TMEM108: variants seen among roughly 807,000 people sequenced by gnomAD.
TMEM108 encodes the protein cancer/testis antigen 124.
A neutral mutation model predicts 35.1 loss-of-function variants in TMEM108; 12 were observed. That is an observed-to-expected ratio of 0.34 (90% CI 0.22 to 0.55). The LOEUF (loss-of-function observed/expected upper bound fraction) is 0.55. Ranked by LOEUF, TMEM108 falls within the 20% of genes least tolerant of loss-of-function variation. TMEM108 has a pLI of 0.89. For synonymous variants in TMEM108, 287 were observed against 308.6 expected, an observed-to-expected ratio of 0.93 and a Z score of 0.73; for missense variants, 680 against 753.3, an observed-to-expected ratio of 0.90 and a Z score of 1.14.
At chr3:133,374,399 A>T (rs73209840) in intron 3 of TMEM108, among the ~76,000 whole-genome samples, 22,450 of 152,092 alleles carry the variant, frequency 0.15, 2,589 homozygotes, top group African/African-American at 0.32. Flanking sequence ...GGGAAGGAAG[A>T]TCTACTTAGA....
At chr3:133,155,113 G>A (rs1314450492) in intron 2 of TMEM108, among the ~76,000 whole-genome samples, 2 of 151,976 alleles carry the variant, frequency 1.3e-5, no homozygotes, top group Non-Finnish European at 2.9e-5. Context: ...GTGGTATTTG[G>A]TTTTCTGATC....
intron 2 of TMEM108, among the ~76,000 whole-genome samples, chr3:133,073,110 TCA>T (rs558976419): frequency 9.9e-5 from 15 of 152,168 alleles, no homozygotes; most frequent in Non-Finnish European, 1.6e-4. Context: ...ATGAATTATC[TCA>T]CATATTTATT....
At chr3:133,073,391 G>A (rs914204757) in intron 2 of TMEM108, among the ~76,000 whole-genome samples, 3 of 148,830 alleles carry the variant, frequency 2.0e-5, no homozygotes, top group Admixed American at 6.7e-5. Context: ...GTCTTTCCGT[G>A]CCTGGCTTAT....
chr3:133,169,120 C>T (rs1945090074), intron 2 of TMEM108, among the ~76,000 whole-genome samples: 2 of 152,220 alleles, frequency 1.3e-5, no homozygotes, highest in Non-Finnish European at 2.9e-5. Context: ...CAATTCCAGA[C>T]ACACTACTCC....
chr3:133,397,050 C>T lies in TMEM108; in HGVS notation c.*1064C>T, dbSNP rs1053558698. 7.2e-5 allele frequency: 11 copies of T among 152,186 alleles called. No individual in the cohort carries two copies. Among genetic ancestry groups the T allele is most frequent in the South Asian group, 2.1e-4 (1 of 4,822 alleles). The allele number at this position is 152,186 out of a possible 1,614,324, so 9.4% of individuals were successfully genotyped here. A position where few individuals can be genotyped will look rare whatever the true frequency, so the allele number is the denominator to read the frequency against. On this transcript the variant is annotated 3_prime_UTR_variant, in exon 6 of 6. Coordinates refer to ENST00000321871, the MANE Select transcript of TMEM108 (RefSeq NM_023943.4). ...CTGCAAACCTGCTCGCAGCACCAGC[C>T]GGTGGACTTGCCATCCAGCTCTCAG...
At chr3:133,293,912 G>C (rs1200403953) in intron 3 of TMEM108, among the ~76,000 whole-genome samples, 4 of 152,162 alleles carry the variant, frequency 2.6e-5, no homozygotes, top group Non-Finnish European at 4.4e-5. Context: ...TCCAGTGGCA[G>C]CTGGCAACAT....
chr3:133,273,798 G>A (rs984146537), intron 3 of TMEM108, among the ~76,000 whole-genome samples: 1 of 152,148 alleles, frequency 6.6e-6, no homozygotes, highest in East Asian at 1.9e-4. Context: ...TGCCTCCATG[G>A]TGTTGTTGAA....
At chr3:133,340,215 A>G (rs2071619375) in intron 3 of TMEM108, among the ~76,000 whole-genome samples, 2 of 151,668 alleles carry the variant, frequency 1.3e-5, no homozygotes, top group African/African-American at 4.8e-5. Flanking sequence ...AGCTAAGAAA[A>G]AAAGAAGACC....
At chr3:133,251,532 T>C (rs1440584414) in intron 3 of TMEM108, among the ~76,000 whole-genome samples, 1 of 152,184 alleles carries the variant, frequency 6.6e-6, no homozygotes, top group Non-Finnish European at 1.5e-5. Context: ...AACAAACATT[T>C]CTGGTTGTCT....
intron 2 of TMEM108, among the ~76,000 whole-genome samples, chr3:133,113,389 T>C (rs1944249426): frequency 6.6e-6 from 1 of 152,180 alleles, no homozygotes; most frequent in South Asian, 2.1e-4. Context: ...ATAAGCATTA[T>C]AGAAGAATTG....
At chr3:133,289,246 A>T (rs1342557200) in intron 3 of TMEM108, among the ~76,000 whole-genome samples, 1 of 152,142 alleles carries the variant, frequency 6.6e-6, no homozygotes, top group Non-Finnish European at 1.5e-5. Context: ...AAATTTCTCC[A>T]TAATAAAAAG....
chr3:133,201,361 A>G (rs1945663023), intron 2 of TMEM108, among the ~76,000 whole-genome samples: 1 of 152,122 alleles, frequency 6.6e-6, no homozygotes, highest in Non-Finnish European at 1.5e-5. Context: ...GGTTTGTTAC[A>G]TAGGTATACA....
intron 2 of TMEM108, among the ~76,000 whole-genome samples, chr3:133,198,936 C>T (rs1172823064): frequency 4.6e-5 from 7 of 152,148 alleles, no homozygotes; most frequent in South Asian, 2.1e-4. Context: ...ACCAATCAGA[C>T]GTAGATTTGG....
intron 2 of TMEM108, among the ~76,000 whole-genome samples, chr3:133,211,962 G>A (rs1443267159): frequency 6.6e-6 from 1 of 152,154 alleles, no homozygotes; most frequent in African/African-American, 2.4e-5. Flanking sequence ...ATATGAAAGA[G>A]AAGAGCAGAA....
chr3:133,049,555 G>T (rs983500998), intron 2 of TMEM108, among the ~76,000 whole-genome samples: 9 of 152,126 alleles, frequency 5.9e-5, no homozygotes, highest in African/African-American at 2.2e-4. Flanking sequence ...TCTCCATCCT[G>T]GGGAAACTTT....
intron 2 of TMEM108, among the ~76,000 whole-genome samples, chr3:133,120,581 A>C (rs989237863): frequency 3.9e-5 from 6 of 151,936 alleles, no homozygotes; most frequent in African/African-American, 1.5e-4. Context: ...TGCTCTGGGC[A>C]TAGCTCATCT....
intron 2 of TMEM108, among the ~76,000 whole-genome samples, chr3:133,120,118 T>C (rs1944334849): frequency 6.6e-6 from 1 of 152,228 alleles, no homozygotes; most frequent in African/African-American, 2.4e-5. Context: ...CTAGACTTTA[T>C]TCATAAAACA....
At chr3:133,208,954 CTT>C (rs1326307937) in intron 2 of TMEM108, among the ~76,000 whole-genome samples, 2 of 152,122 alleles carry the variant, frequency 1.3e-5, no homozygotes, top group Non-Finnish European at 1.5e-5. Flanking sequence ...GCGTTCCAGA[CTT>C]TGTGTGGATG....
At chr3:133,388,299 CG>C (rs1185740087) in intron 4 of TMEM108, 3 of 983,246 alleles carry the variant, frequency 3.1e-6, no homozygotes, top group Non-Finnish European at 3.6e-6. Context: ...ACAGGGGACC[CG>C]GGATCTTGTC....
Sources: gnomAD v4.1 joint callset for allele counts (sites outside exome capture counted in the v4.1 genomes callset) on GRCh38, gnomAD v4.1.1 for gene constraint, MANE v1.5 for transcripts, NCBI Gene and HGNC (gene_info 2026-07-23, HGNC 2026-07-21) for gene names.